The following HNRNPR variants were observed in gnomAD, a reference collection of about 807,000 sequenced individuals.
HNRNPR encodes the protein heterogeneous nuclear ribonucleoprotein R.
HNRNPR carries 4 observed loss-of-function variants against 70.3 expected under a neutral mutation model. The ratio of observed to expected loss-of-function variants is 0.06; its 90% CI spans 0.03 to 0.13. HNRNPR has a LOEUF of 0.13. Ranked by LOEUF, HNRNPR falls within the 10% of genes least tolerant of loss-of-function variation. HNRNPR has a pLI of 1.00. For missense variants in HNRNPR, 423 were observed against 788.5 expected, an observed-to-expected ratio of 0.54 and a Z score of 5.55; for synonymous variants, 241 against 267.6, an observed-to-expected ratio of 0.90 and a Z score of 0.97.
At chr1:23,343,824 G>A (rs1646799731) in intron 1 of HNRNPR, among the ~76,000 whole-genome samples, 1 of 151,918 alleles carries the variant, frequency 6.6e-6, no homozygotes, top group African/African-American at 2.4e-5. Context: ...GGGCTAGGCC[G>A]GCCGCGGCGG....
chr1:23,341,874 A>G (rs1452964265), intron 1 of HNRNPR, among the ~76,000 whole-genome samples: 1 of 152,210 alleles, frequency 6.6e-6, no homozygotes, highest in Non-Finnish European at 1.5e-5. Flanking sequence ...ATCAAAAATA[A>G]TTTTGTACAT....
chr1:23,324,708 T>G (rs1645895447), intron 5 of HNRNPR, among the ~76,000 whole-genome samples: 1 of 152,292 alleles, frequency 6.6e-6, no homozygotes, highest in African/African-American at 2.4e-5. Flanking sequence ...TTTGAAGAAT[T>G]TGTGATCTTT....
At chr1:23,337,073 A>G (rs1646524064) in intron 4 of HNRNPR, among the ~76,000 whole-genome samples, 1 of 152,224 alleles carries the variant, frequency 6.6e-6, no homozygotes. Flanking sequence ...CTGAATATTC[A>G]AAAGGAGGAA....
Position 23,321,575 on chromosome 1 carries a change from T to G in HNRNPR, c.764A>C (p.Lys255Thr). Residue 255 changes from lysine to threonine, a missense_variant, in exon 7 of 11, where the codon AAG becomes ACG. By Grantham distance (78) the Lys-to-Thr change is moderately conservative. This residue lies in a region of HNRNPR where 118 missense variants were observed against 239.3 expected (regional missense o/e 0.49). Transcript: ENST00000302271. ...NNRLFVGSIP[K>T]NKTKENILEE... is the part of the protein sequence containing the mutation. The stretch of plus-strand genomic sequence containing the variant: ...CAAAATGTTTTCTTTAGTCTTATTC[T>G]TCGGAATGGATCCAACAAAAAGTCT... The G allele has an allele frequency of 6.2e-7, 1 of 1,613,870 alleles. No individual in the cohort carries two copies. The highest frequency in any genetic ancestry group is 8.5e-7 in the Non-Finnish European group (1 of 1,179,752).
chr1:23,325,910 C>T (rs1645954680), intron 5 of HNRNPR, among the ~76,000 whole-genome samples: 1 of 152,154 alleles, frequency 6.6e-6, no homozygotes, highest in Admixed American at 6.5e-5. Flanking sequence ...GCCCAGGCTG[C>T]AGCGCAGTGG....
intron 4 of HNRNPR, among the ~76,000 whole-genome samples, chr1:23,337,283 T>C (rs938203375): frequency 2.6e-5 from 4 of 152,180 alleles, no homozygotes; most frequent in Admixed American, 2.6e-4. Flanking sequence ...TCATTAAACA[T>C]GCAATTGAGT....
rs780212346 is a variant in HNRNPR at position 23,310,672 on chromosome 1, G to A, written c.1684C>T (p.Arg562Trp). Residue 562 changes from arginine to tryptophan, a missense_variant, in exon 11 of 11, where the codon CGG (arginine) becomes TGG (tryptophan). Transcript: ENST00000302271. The surrounding 1 kb of genome is among the most constrained non-coding windows in gnomAD (Gnocchi z 6.0). ...CCTACATTGCCCCCACGATTGCCCCGAGATCCACGGGAACCACGGCCTCTC... is the reference window on the plus strand; with the variant it reads ...CCTACATTGCCCCCACGATTGCCCCAAGATCCACGGGAACCACGGCCTCTC... ...QQRGRGSRGS[R>W]GNRGGNVGGK... is the part of the protein sequence containing the mutation. The A allele has an allele frequency of 4.3e-6, 7 of 1,613,380 alleles. No homozygotes were observed. The highest frequency in any genetic ancestry group is 1.1e-5 in the South Asian group (1 of 91,016).
intron 7 of HNRNPR, among the ~76,000 whole-genome samples, chr1:23,320,485 A>G (rs1473193721): frequency 2.0e-5 from 3 of 152,214 alleles, no homozygotes; most frequent in Non-Finnish European, 4.4e-5. Context: ...TGTTAAAGGT[A>G]TTAGAAAGAA....
chr1:23,332,223 T>C (rs1464634907), intron 5 of HNRNPR, among the ~76,000 whole-genome samples: 3 of 152,008 alleles, frequency 2.0e-5, no homozygotes, highest in African/African-American at 7.2e-5. Context: ...AGAAGACAGA[T>C]GGGGAAAGAA....
chr1:23,327,158 T>C (rs1646020818), intron 5 of HNRNPR, among the ~76,000 whole-genome samples: 2 of 152,060 alleles, frequency 1.3e-5, no homozygotes, highest in Non-Finnish European at 2.9e-5. Flanking sequence ...CCATATCCAA[T>C]TAATCTTTAA....
intron 9 of HNRNPR, chr1:23,311,904 C>T (rs983985695): frequency 6.6e-6 from 1 of 152,404 alleles, no homozygotes; most frequent in African/African-American, 2.4e-5. Flanking sequence ...TTTGCTTGAA[C>T]AGTTAAAAGT....
chr1:23,311,281 T>C lies in HNRNPR; in HGVS notation c.1209A>G (p.Glu403=), dbSNP rs901860582. 6.2e-7 allele frequency: 1 copy of C among 1,606,182 alleles called. No homozygotes were observed. The highest frequency in any genetic ancestry group is 8.5e-7 in the Non-Finnish European group (1 of 1,173,106). Residue 403 remains glutamate, a synonymous_variant, in exon 10 of 11, where the codon GAA becomes GAG. Coordinates refer to ENST00000302271, the MANE Select transcript of HNRNPR (RefSeq NM_005826.5). ...EMNGKEIEGE[E]IEIVLAKPPD... ...GTGGCTTGGCTAAGACTATTTCAAT[T>C]TCTTCCCCTTCTATTTCTTTGCCAT...
In HNRNPR at chr1:23,306,694, A is replaced by G. The variant is rs1190149485; in HGVS notation, c.*3760T>C. 6.6e-6 allele frequency: 1 copy of G among 152,176 alleles called. No homozygotes were observed. The highest frequency in any genetic ancestry group is 1.5e-5 in the Non-Finnish European group (1 of 68,020). 9.4% of individuals were successfully genotyped at this position (152,176 alleles called of 1,614,324 possible). On this transcript the variant is annotated 3_prime_UTR_variant, in exon 11 of 11. Coordinates refer to ENST00000302271, the MANE Select transcript of HNRNPR (RefSeq NM_005826.5). ...ATTTAAAGAAAAAAAACTTTTCTAG[A>G]AGGATTAACAATAATTAACTTCAAA...
intron 9 of HNRNPR, 48 bp from the exon 10 acceptor site, chr1:23,311,370 T>A (rs1645331119): frequency 8.1e-7 from 1 of 1,227,106 alleles, no homozygotes; most frequent in East Asian, 2.5e-5. Context: ...AAACTGTATT[T>A]TGTTTTATAT....
intron 4 of HNRNPR, among the ~76,000 whole-genome samples, chr1:23,334,781 G>A (rs1288763442): frequency 6.6e-6 from 1 of 152,196 alleles, no homozygotes; most frequent in African/African-American, 2.4e-5. Context: ...TCATAGAAAA[G>A]AAGATAATCT....
chr1:23,340,262 T>A (rs1336815888), intron 2 of HNRNPR, among the ~76,000 whole-genome samples: 2 of 151,848 alleles, frequency 1.3e-5, no homozygotes, highest in Non-Finnish European at 2.9e-5. Flanking sequence ...ACCAACTATA[T>A]TAAGATGTTC....
chr1:23,314,654 G>A (rs1406906702), intron 8 of HNRNPR, among the ~76,000 whole-genome samples: 1 of 152,136 alleles, frequency 6.6e-6, no homozygotes, highest in South Asian at 2.1e-4. Flanking sequence ...TGAGACATTT[G>A]TTATCAGGCT....
intron 5 of HNRNPR, among the ~76,000 whole-genome samples, chr1:23,329,812 A>G (rs1646143519): frequency 6.6e-6 from 1 of 151,964 alleles, no homozygotes; most frequent in Non-Finnish European, 1.5e-5. Context: ...TTTATTTTTT[A>G]TAGAGACAGG....
chr1:23,327,627 T>C (rs1332438055), intron 5 of HNRNPR, among the ~76,000 whole-genome samples: 2 of 151,912 alleles, frequency 1.3e-5, no homozygotes, highest in Non-Finnish European at 2.9e-5. Context: ...AAGGTGGAGG[T>C]TGCAGTGAGC....
Sources: gnomAD v4.1 joint callset for allele counts (sites outside exome capture counted in the v4.1 genomes callset) on GRCh38, gnomAD v4.1.1 for gene constraint, gnomAD v4.1.1 regional missense constraint, Gnocchi (gnomAD v3.1) non-coding constraint, MANE v1.5 for transcripts, NCBI Gene and HGNC (gene_info 2026-07-23, HGNC 2026-07-21) for gene names.